LSAMP: variants seen among roughly 807,000 people sequenced by gnomAD.
The protein encoded by LSAMP is limbic system associated membrane protein, also known as limbic system-associated membrane protein.
LSAMP carries 7 observed loss-of-function variants against 38.6 expected under a neutral mutation model. The ratio of observed to expected loss-of-function variants is 0.18; its 90% CI spans 0.10 to 0.34. The LOEUF is 0.34. Among genes scored for constraint, LSAMP ranks in the 10% least tolerant of loss-of-function variants. LSAMP has a pLI of 1.00. For synonymous variants in LSAMP, 154 were observed against 166.8 expected (o/e 0.92, Z 0.59); for missense variants, 313 against 420.0 (o/e 0.75, Z 2.23).
At chr3:115,820,912 G>A (rs1934208069) in intron 6 of LSAMP, among the ~76,000 whole-genome samples, 1 of 152,176 alleles carries the variant, frequency 6.6e-6, no homozygotes, top group South Asian at 2.1e-4. Context: ...ATGGGGCCAG[G>A]AGGTCCTTGC....
chr3:116,222,797 G>A lies in LSAMP; in HGVS notation c.156-136241C>T, dbSNP rs552827278. On this transcript the variant is annotated intron_variant, in intron 1 of 6. Coordinates refer to ENST00000490035, the MANE Select transcript of LSAMP (RefSeq NM_002338.5). ...TTCGCCCAGGCTGGAGTCCAGTGGC[G>A]CGATCTCGGCTCACTGCAAGCTCTG... Among the ~76,000 whole-genome samples the A allele has an allele frequency of 4.4e-3, 548 of 124,824 alleles. 3 individuals are homozygous for A. Among genetic ancestry groups the A allele is most frequent in the African/African-American group, 0.013 (438 of 32,492 alleles). 81.9% of individuals were successfully genotyped at this position (124,824 alleles called of 152,430 possible).
At chr3:116,289,095 T>C (rs1367101099) in intron 1 of LSAMP, among the ~76,000 whole-genome samples, 1 of 152,090 alleles carries the variant, frequency 6.6e-6, no homozygotes, top group African/African-American at 2.4e-5. Context: ...TTTTATAAAA[T>C]TTCATGAGAG....
chr3:115,876,278 C>G (rs1184256949), intron 3 of LSAMP, among the ~76,000 whole-genome samples: 1 of 123,256 alleles, frequency 8.1e-6, no homozygotes, highest in Non-Finnish European at 1.8e-5. Context: ...AAGGAAAAAG[C>G]TTTTTTTTTT....
intron 3 of LSAMP, among the ~76,000 whole-genome samples, chr3:115,976,311 C>T (rs1939187067): frequency 6.6e-6 from 1 of 152,008 alleles, no homozygotes; most frequent in Admixed American, 6.6e-5. Flanking sequence ...ATTAAATTCA[C>T]AACGAGAAGA....
chr3:116,302,532 C>T (rs1196836293), intron 1 of LSAMP, among the ~76,000 whole-genome samples: 1 of 152,202 alleles, frequency 6.6e-6, no homozygotes, highest in Non-Finnish European at 1.5e-5. Context: ...AATGCATTGT[C>T]TGACACATAG....
rs576293457 is a variant in LSAMP, at chr3:116,209,778, G to C, written c.156-123222C>G. The stretch of plus-strand genomic sequence containing the variant: ...TTTATTTATTTATTTTTGAGTTGGA[G>C]TTTCACTCTGTCCCCCAGGCTGGAG... On this transcript the variant is annotated intron_variant, in intron 1 of 6. Coordinates refer to ENST00000490035, the MANE Select transcript of LSAMP (RefSeq NM_002338.5). 1.1e-4 allele frequency among the ~76,000 whole-genome samples: 16 copies of C among 152,058 alleles called. No individual in the cohort carries two copies. In the East Asian group the frequency reaches 2.5e-3, roughly 24 times the overall value.
chr3:115,998,014 T>A (rs932215374), intron 3 of LSAMP, among the ~76,000 whole-genome samples: 1 of 150,542 alleles, frequency 6.6e-6, no homozygotes, highest in Non-Finnish European at 1.5e-5. Context: ...GCATTGTAAT[T>A]TCAGCAGCAT....
In LSAMP at chr3:116,445,079, G is replaced by A. The variant is rs377465159; in HGVS notation, c.-48C>T. ...TCCGCGGGGTGCTCTGGAGGGGTGC[G>A]CGCTGCTCGCGAGGAGAGGCTTCAC... On this transcript the variant is annotated 5_prime_UTR_variant, in exon 1 of 7. Coordinates refer to ENST00000490035, the MANE Select transcript of LSAMP (RefSeq NM_002338.5). 1.3e-4 allele frequency: 204 copies of A among 1,563,440 alleles called. No homozygotes were observed. Among genetic ancestry groups the A allele is most frequent in the Non-Finnish European group, 1.7e-4 (193 of 1,151,856 alleles).
chr3:116,208,634 C>T (rs572845656), intron 1 of LSAMP, among the ~76,000 whole-genome samples: 22 of 152,272 alleles, frequency 1.4e-4, no homozygotes, highest in African/African-American at 5.1e-4. Context: ...GGACCCTCAG[C>T]TGCAGGTCTG....
intron 1 of LSAMP, among the ~76,000 whole-genome samples, chr3:116,158,886 G>T (rs543677357): frequency 2.0e-5 from 3 of 152,104 alleles, no homozygotes; most frequent in East Asian, 3.9e-4. Flanking sequence ...AGCCCAAACA[G>T]CCAAGGCAAT....
chr3:115,949,901 G>T (rs894245360), intron 3 of LSAMP, among the ~76,000 whole-genome samples: 1 of 152,100 alleles, frequency 6.6e-6, no homozygotes, highest in African/African-American at 2.4e-5. Context: ...GATCAAGTGG[G>T]TTTCATATGA....
intron 1 of LSAMP, among the ~76,000 whole-genome samples, chr3:116,209,606 G>T (rs973604468): frequency 6.6e-6 from 1 of 152,176 alleles, no homozygotes; most frequent in African/African-American, 2.4e-5. Context: ...TGAAGAGTAA[G>T]AGGGGGGCTT....
intron 2 of LSAMP, among the ~76,000 whole-genome samples, chr3:116,033,673 G>C (rs1417007442): frequency 6.6e-6 from 1 of 152,094 alleles, no homozygotes; most frequent in East Asian, 1.9e-4. Flanking sequence ...CTGTGACTGT[G>C]TTTGTATCCA....
At chr3:116,086,665 G>A (rs1707995787) in intron 1 of LSAMP, 109 bp from the exon 2 acceptor site, 5 of 798,388 alleles carry the variant, frequency 6.3e-6, no homozygotes, top group Admixed American at 4.7e-5. Context: ...ATTATATGCA[G>A]AATGAATTAT....
At chr3:116,004,284 A>T (rs1940087243) in intron 3 of LSAMP, among the ~76,000 whole-genome samples, 1 of 152,018 alleles carries the variant, frequency 6.6e-6, no homozygotes, top group Non-Finnish European at 1.5e-5. Context: ...CCAAGGCTAA[A>T]GAGTATTTCA....
At chr3:116,062,952 A>G (rs1255668321) in intron 2 of LSAMP, among the ~76,000 whole-genome samples, 1 of 152,220 alleles carries the variant, frequency 6.6e-6, no homozygotes, top group African/African-American at 2.4e-5. Context: ...TGAAAGGACT[A>G]CAACATGAGA....
chr3:115,825,675 A>C, intron 6 of LSAMP, among the ~76,000 whole-genome samples: 1 of 152,208 alleles, frequency 6.6e-6, no homozygotes, highest in East Asian at 1.9e-4. Context: ...AAAATGCCCA[A>C]TCTCTAACCT....
At chr3:116,217,574 T>G (rs1468002) in intron 1 of LSAMP, among the ~76,000 whole-genome samples, 3 of 152,042 alleles carry the variant, frequency 2.0e-5, no homozygotes, top group Non-Finnish European at 4.4e-5. Flanking sequence ...TGAGAAGAAG[T>G]ACATTGGATT....
intron 1 of LSAMP, among the ~76,000 whole-genome samples, chr3:116,354,066 T>C (rs1317765324): frequency 1.3e-5 from 2 of 152,140 alleles, no homozygotes; most frequent in Non-Finnish European, 2.9e-5. Flanking sequence ...CTTTTCACCC[T>C]TGAAGCTGGA....
Sources: allele counts gnomAD v4.1 joint callset (sites outside exome capture counted in the v4.1 genomes callset), GRCh38; gene constraint gnomAD v4.1.1; transcripts MANE v1.5; gene names NCBI Gene and HGNC (gene_info 2026-07-23, HGNC 2026-07-21).